Variants in SCP2 observed in about 807,000 individuals in gnomAD.
The protein encoded by SCP2 is sterol carrier protein 2.
SCP2 carries 48 observed loss-of-function variants against 71.4 expected under a neutral mutation model. The ratio of observed to expected loss-of-function variants is 0.67; its 90% confidence interval spans 0.53 to 0.86. SCP2 has a LOEUF of 0.86. SCP2 is among the 40% of genes least tolerant of loss of function. The pLI is 0.00. For missense variants in SCP2, 560 were observed against 655.6 expected (o/e 0.85, Z 1.59); for synonymous variants, 220 against 218.1 (o/e 1.01, Z -0.08).
intron 11 of SCP2, among the ~76,000 whole-genome samples, chr1:52,992,338 A>G (rs1659574623): frequency 6.6e-6 from 1 of 152,234 alleles, no homozygotes; most frequent in Non-Finnish European, 1.5e-5. Context: ...ATAAAAGTAT[A>G]TAGCAAAAAC....
chr1:52,964,231 T>A (rs79445163), intron 6 of SCP2, among the ~76,000 whole-genome samples: 1 of 145,970 alleles, frequency 6.9e-6, no homozygotes. Flanking sequence ...TTTTTTTTTT[T>A]GAGACAGAGT....
At chr1:52,993,579 T>C in intron 11 of SCP2, 2 of 1,611,188 alleles carry the variant, frequency 1.2e-6, no homozygotes, top group South Asian at 1.1e-5. Flanking sequence ...TGTTCTCTCA[T>C]GGCTCCAAGC....
chr1:53,001,265 T>C (rs1660300044), intron 11 of SCP2, among the ~76,000 whole-genome samples: 1 of 152,158 alleles, frequency 6.6e-6, no homozygotes, highest in Admixed American at 6.5e-5. Flanking sequence ...AGCAGAAGTA[T>C]GAAGAGGAGA....
At chr1:52,966,104 A>G (rs1265385009) in intron 6 of SCP2, among the ~76,000 whole-genome samples, 2 of 152,074 alleles carry the variant, frequency 1.3e-5, no homozygotes, top group East Asian at 1.9e-4. Flanking sequence ...TTCTTTTCTC[A>G]TTGTAATATT....
At chr1:52,929,051 C>A (rs1652864118) in intron 1 of SCP2, among the ~76,000 whole-genome samples, 1 of 151,928 alleles carries the variant, frequency 6.6e-6, no homozygotes, top group African/African-American at 2.4e-5. Context: ...GTGTTACAGT[C>A]CAGAGGAAAG....
At chr1:53,028,095 C>G in intron 13 of SCP2, 24 bp downstream of exon 13, 1 of 1,323,414 alleles carries the variant, frequency 7.6e-7, no homozygotes, top group Non-Finnish European at 1.1e-6. Context: ...AAAATATTGC[C>G]AGGAAGGACC....
At chr1:52,967,730 C>T (rs1241986487) in intron 6 of SCP2, among the ~76,000 whole-genome samples, 1 of 152,114 alleles carries the variant, frequency 6.6e-6, no homozygotes. Flanking sequence ...TTTTACAGCC[C>T]TTCATATTTA....
At chr1:53,038,101 G>A (rs1663148407) in intron 13 of SCP2, among the ~76,000 whole-genome samples, 1 of 151,452 alleles carries the variant, frequency 6.6e-6, no homozygotes, top group South Asian at 2.1e-4. Context: ...AGCCCTGATT[G>A]TGCCACTGCA....
intron 6 of SCP2, among the ~76,000 whole-genome samples, chr1:52,973,824 A>G (rs893548942): frequency 2.6e-5 from 4 of 151,366 alleles, no homozygotes; most frequent in African/African-American, 9.7e-5. Context: ...CTGGTCTTGA[A>G]CTCCTGACCT....
intron 11 of SCP2, among the ~76,000 whole-genome samples, chr1:53,014,114 C>T (rs1197444321): frequency 1.3e-5 from 2 of 148,770 alleles, no homozygotes; most frequent in Non-Finnish European, 3.0e-5. Context: ...ACCGTGTTAG[C>T]CAGGATGGTC....
chr1:53,026,098 C>CT (rs534071958), intron 12 of SCP2, among the ~76,000 whole-genome samples: 169 of 151,836 alleles, frequency 1.1e-3, no homozygotes, highest in African/African-American at 3.7e-3. Flanking sequence ...AAGTAGGTTC[C>CT]TTTTTTTTAA....
intron 1 of SCP2, among the ~76,000 whole-genome samples, chr1:52,934,411 T>C (rs150387616): frequency 5.3e-5 from 8 of 151,966 alleles, no homozygotes; most frequent in Admixed American, 4.6e-4. Context: ...GTATAACTCA[T>C]GGAGCCGATA....
intron 1 of SCP2, among the ~76,000 whole-genome samples, chr1:52,936,901 T>G: frequency 6.6e-6 from 1 of 151,668 alleles, no homozygotes; most frequent in African/African-American, 2.4e-5. Flanking sequence ...GTAGCAAGGG[T>G]GTTTGCCTTA....
chr1:52,975,714 G>A (rs1356261798), intron 7 of SCP2, among the ~76,000 whole-genome samples: 2 of 152,180 alleles, frequency 1.3e-5, no homozygotes. Context: ...TGCTTTTAAG[G>A]AACTAGTATT....
intron 7 of SCP2, 117 bp downstream of exon 7, chr1:52,974,949 A>G (rs1657819353): frequency 1.4e-6 from 1 of 695,360 alleles, no homozygotes; most frequent in South Asian, 1.6e-5. Flanking sequence ...AGAATGTTTT[A>G]TTTTTTTCTT....
intron 1 of SCP2, among the ~76,000 whole-genome samples, chr1:52,934,722 C>T (rs1371662248): frequency 3.4e-5 from 5 of 145,726 alleles, no homozygotes; most frequent in African/African-American, 1.2e-4. Flanking sequence ...ACGCCATTCT[C>T]CTGCCTCAGC....
At chr1:52,966,458 A>G (rs149065758) in intron 6 of SCP2, among the ~76,000 whole-genome samples, 1 of 152,072 alleles carries the variant, frequency 6.6e-6, no homozygotes, top group Non-Finnish European at 1.5e-5. Context: ...CCGGTTGATC[A>G]TGGTGTATTG....
chr1:52,936,037 C>T (rs1653713928), intron 1 of SCP2, among the ~76,000 whole-genome samples: 1 of 152,044 alleles, frequency 6.6e-6, no homozygotes, highest in African/African-American at 2.4e-5. Context: ...TCAACTAAAA[C>T]AACATAATGC....
At chr1:52,980,639 C>G (rs1553148901) in intron 10 of SCP2, 96 bp downstream of exon 10, 1 of 1,251,394 alleles carries the variant, frequency 8.0e-7, no homozygotes, top group Non-Finnish European at 1.2e-6. Context: ...TCACTTTTCC[C>G]TTAACGTTGG....
Sources: gnomAD v4.1 joint callset for allele counts (sites outside exome capture counted in the v4.1 genomes callset) on GRCh38, gnomAD v4.1.1 for gene constraint, MANE v1.5 for transcripts, NCBI Gene and HGNC (gene_info 2026-07-23, HGNC 2026-07-21) for gene names.